Variants in CEP112 observed in about 807,000 individuals in gnomAD.
The protein encoded by CEP112 is centrosomal protein of 112 kDa.
CEP112 carries 127 observed loss-of-function variants against 153.0 expected under a neutral mutation model. The observed-to-expected ratio is 0.83, with a 90% confidence interval of 0.72 to 0.96. The LOEUF is 0.96. Among genes scored for constraint, CEP112 ranks in the 40% least tolerant of loss-of-function variants. CEP112 has a pLI of 0.00. For synonymous variants in CEP112, 358 were observed against 374.4 expected, an observed-to-expected ratio of 0.96 and a Z score of 0.51; for missense variants, 1,089 against 1,101.2, an observed-to-expected ratio of 0.99 and a Z score of 0.16.
intron 23 of CEP112, among the ~76,000 whole-genome samples, chr17:65,700,146 T>C (rs1210115419): frequency 6.6e-6 from 1 of 151,756 alleles, no homozygotes; most frequent in Non-Finnish European, 1.5e-5. Context: ...TGCGGATATT[T>C]CCCTAACTAG....
intron 17 of CEP112, among the ~76,000 whole-genome samples, chr17:65,970,309 T>C (rs536411948): frequency 8.8e-6 from 1 of 113,086 alleles, no homozygotes. Flanking sequence ...CATGTGTATC[T>C]CATATGTAAA....
intron 24 of CEP112, among the ~76,000 whole-genome samples, chr17:65,683,447 C>T (rs527485328): frequency 4.6e-5 from 7 of 152,238 alleles, no homozygotes; most frequent in African/African-American, 9.6e-5. Context: ...CAAAGAGGAC[C>T]CCGGGGGCAA....
At chr17:65,962,647 A>G (rs1333250766) in intron 17 of CEP112, among the ~76,000 whole-genome samples, 1 of 152,166 alleles carries the variant, frequency 6.6e-6, no homozygotes, top group Non-Finnish European at 1.5e-5. Context: ...TAGCTCCCAT[A>G]ATTCCCACGT....
At chr17:65,795,738 G>C (rs987773383) in intron 21 of CEP112, among the ~76,000 whole-genome samples, 1 of 152,136 alleles carries the variant, frequency 6.6e-6, no homozygotes, top group Non-Finnish European at 1.5e-5. Flanking sequence ...CTTGAACCCA[G>C]GAGGCAGAGG....
chr17:66,027,701 G>T, intron 15 of CEP112, 141 bp from the exon 16 acceptor site: 1 of 568,334 alleles, frequency 1.8e-6, no homozygotes, highest in South Asian at 3.0e-5. Flanking sequence ...AAGCCCTACA[G>T]GTAGAAATTG....
intron 12 of CEP112, among the ~76,000 whole-genome samples, chr17:66,038,931 G>C (rs2065858262): frequency 6.6e-6 from 1 of 152,128 alleles, no homozygotes; most frequent in Non-Finnish European, 1.5e-5. Flanking sequence ...GGAAGAGTCA[G>C]GAATGAGGCA....
chr17:66,142,696 TC>T (rs2070756631), intron 4 of CEP112, among the ~76,000 whole-genome samples: 3 of 152,210 alleles, frequency 2.0e-5, no homozygotes, highest in Non-Finnish European at 4.4e-5. Flanking sequence ...TTTATTTTGT[TC>T]CATTGGTCTA....
intron 9 of CEP112, among the ~76,000 whole-genome samples, chr17:66,068,645 C>T: frequency 6.6e-6 from 1 of 152,084 alleles, no homozygotes; most frequent in East Asian, 1.9e-4. Flanking sequence ...AAACTAGTTG[C>T]ACTGTCTGCT....
intron 8 of CEP112, among the ~76,000 whole-genome samples, chr17:66,081,295 T>C (rs1175826218): frequency 2.0e-5 from 3 of 152,120 alleles, no homozygotes; most frequent in Non-Finnish European, 4.4e-5. Context: ...AAAATCAATA[T>C]TAAAACAAAT....
rs199871453 is a variant in CEP112 at position 66,097,303 on chromosome 17, T to G, written c.643-671A>C. Among the ~76,000 whole-genome samples the G allele has an allele frequency of 7.2e-5, 11 of 152,258 alleles. No homozygotes were observed. The East Asian group carries it at 2.1e-3, about 29-fold the overall frequency. ...ACACATGGTTAACTTACTCAAGACTTGTAGTTTAAAAATCATCTCCCCCAG... is the reference window on the plus strand; with the variant it reads ...ACACATGGTTAACTTACTCAAGACTGGTAGTTTAAAAATCATCTCCCCCAG... On this transcript the variant is annotated intron_variant, in intron 6 of 26. Transcript: ENST00000535342.
chr17:65,962,171 TTAGA>T (rs759791341), intron 17 of CEP112, among the ~76,000 whole-genome samples: 8 of 152,180 alleles, frequency 5.3e-5, no homozygotes, highest in African/African-American at 1.7e-4. Context: ...TGTTCTGGAA[TTAGA>T]TAGTGGTGAT....
chr17:65,674,512 CA>C (rs927127355), intron 24 of CEP112, among the ~76,000 whole-genome samples: 9 of 152,178 alleles, frequency 5.9e-5, no homozygotes, highest in Non-Finnish European at 1.3e-4. Flanking sequence ...TCCAAAGAGA[CA>C]AAAATTGCAG....
intron 12 of CEP112, among the ~76,000 whole-genome samples, chr17:66,038,082 C>T (rs1252080288): frequency 8.2e-6 from 1 of 121,502 alleles, no homozygotes; most frequent in Admixed American, 9.5e-5. Context: ...AGCCTGGCAA[C>T]AGAGCAAGAC....
intron 23 of CEP112, among the ~76,000 whole-genome samples, chr17:65,692,758 G>A (rs2048172235): frequency 6.6e-6 from 1 of 152,092 alleles, no homozygotes; most frequent in African/African-American, 2.4e-5. Context: ...ATGTCTGGGT[G>A]GCATGCAACT....
chr17:65,948,453 A>G (rs2061712900), intron 18 of CEP112, among the ~76,000 whole-genome samples: 1 of 152,152 alleles, frequency 6.6e-6, no homozygotes, highest in Admixed American at 6.5e-5. Context: ...ACAAGATTTA[A>G]AAGATTTACT....
intron 24 of CEP112, among the ~76,000 whole-genome samples, chr17:65,646,183 T>G (rs1306773071): frequency 1.5e-4 from 23 of 152,240 alleles, no homozygotes; most frequent in Admixed American, 1.5e-3. Context: ...ATCGCCATTA[T>G]TCCTTCCATC....
intron 21 of CEP112, among the ~76,000 whole-genome samples, chr17:65,820,960 C>G (rs1039070890): frequency 5.9e-5 from 9 of 152,218 alleles, no homozygotes; most frequent in African/African-American, 2.2e-4. Context: ...GTCTACTGAT[C>G]TGTTAAAGTC....
intron 21 of CEP112, among the ~76,000 whole-genome samples, chr17:65,831,291 C>T (rs1291653109): frequency 6.6e-6 from 1 of 152,192 alleles, no homozygotes; most frequent in Non-Finnish European, 1.5e-5. Flanking sequence ...GGCGCAGTGG[C>T]TCATGCCTGT....
At chr17:65,857,224 C>A (rs1461962696) in intron 20 of CEP112, among the ~76,000 whole-genome samples, 1 of 152,160 alleles carries the variant, frequency 6.6e-6, no homozygotes, top group East Asian at 1.9e-4. Flanking sequence ...ACTTTAAAAC[C>A]ATGGCTTCTG....
Sources: gnomAD v4.1 joint callset for allele counts (sites outside exome capture counted in the v4.1 genomes callset) on GRCh38, gnomAD v4.1.1 for gene constraint, MANE v1.5 for transcripts, NCBI Gene and HGNC (gene_info 2026-07-23, HGNC 2026-07-21) for gene names.